Variants in CCDC146 observed in about 807,000 individuals in gnomAD.
The protein encoded by CCDC146 is coiled-coil domain-containing protein 146.
CCDC146 carries 92 observed loss-of-function variants against 119.3 expected under a neutral mutation model. That is an observed-to-expected ratio of 0.77 (90% CI 0.65 to 0.92). CCDC146 has a LOEUF of 0.92. Among genes scored for constraint, CCDC146 ranks in the 40% least tolerant of loss-of-function variants. CCDC146 has a pLI of 0.00. For synonymous variants in CCDC146, 372 were observed against 371.8 expected (o/e 1.00, Z -0.01); for missense variants, 1,000 against 1,103.0 (o/e 0.91, Z 1.32).
At chr7:77,253,425 G>T (rs554145769) in intron 4 of CCDC146, among the ~76,000 whole-genome samples, 80 of 152,274 alleles carry the variant, frequency 5.3e-4, no homozygotes, top group African/African-American at 1.9e-3. Context: ...TTCTGTGAGG[G>T]TTTTCTGCAA....
intron 4 of CCDC146, among the ~76,000 whole-genome samples, chr7:77,251,679 C>G (rs2150502439): frequency 6.6e-6 from 1 of 152,158 alleles, no homozygotes; most frequent in East Asian, 1.9e-4. Flanking sequence ...GTAATGGGAG[C>G]CCACAGGAGC....
chr7:77,274,659 G>C lies in CCDC146; in HGVS notation c.1440+7G>C. 1 of 1,600,860 alleles carries C rather than the reference G, an allele frequency of 6.2e-7. No individual in the cohort carries two copies. Among genetic ancestry groups the C allele is most frequent in the African/African-American group, 1.4e-5 (1 of 74,018 alleles). ...GGATTTCCTGAAAGCTCAGGTAACT[G>C]CATTTTTTTAACCATTCATTGATAA... On this transcript the variant is annotated splice_region_variant and intron_variant, in intron 11 of 18. Transcript: ENST00000285871.
intron 2 of CCDC146, among the ~76,000 whole-genome samples, chr7:77,192,029 C>A (rs905727695): frequency 3.3e-5 from 5 of 151,612 alleles, no homozygotes; most frequent in African/African-American, 9.7e-5. Context: ...CAGGTTCAAG[C>A]AATTCTCCTG....
chr7:77,191,315 T>A (rs1791758231), intron 2 of CCDC146, among the ~76,000 whole-genome samples: 1 of 152,198 alleles, frequency 6.6e-6, no homozygotes, highest in Non-Finnish European at 1.5e-5. Context: ...CTGTAATTGC[T>A]TCTCACCTAT....
chr7:77,221,598 T>G (rs1792404463), intron 2 of CCDC146, among the ~76,000 whole-genome samples: 1 of 152,176 alleles, frequency 6.6e-6, no homozygotes, highest in African/African-American at 2.4e-5. Flanking sequence ...CCATAGAGTC[T>G]TCAGGCATGT....
At chr7:77,134,049 C>A (rs551678807) in intron 1 of CCDC146, among the ~76,000 whole-genome samples, 3 of 152,240 alleles carry the variant, frequency 2.0e-5, no homozygotes, top group African/African-American at 7.2e-5. Context: ...CCTCTGCATA[C>A]CCTGCATAAG....
intron 2 of CCDC146, among the ~76,000 whole-genome samples, chr7:77,229,892 A>G (rs535868164): frequency 6.6e-6 from 1 of 152,326 alleles, no homozygotes; most frequent in Admixed American, 6.5e-5. Flanking sequence ...TCATGGCATA[A>G]TTGTAGAATA....
intron 1 of CCDC146, among the ~76,000 whole-genome samples, chr7:77,158,677 GC>G (rs770558679): frequency 4.6e-5 from 7 of 151,898 alleles, no homozygotes; most frequent in African/African-American, 1.5e-4. Context: ...CCACCACCAT[GC>G]CCGGCTAATT....
intron 2 of CCDC146, among the ~76,000 whole-genome samples, chr7:77,189,817 G>T (rs1791732088): frequency 6.6e-6 from 1 of 152,092 alleles, no homozygotes; most frequent in Non-Finnish European, 1.5e-5. Context: ...CATCTGCCTG[G>T]TTTGAGCTCT....
At chr7:77,225,012 G>A (rs1792477700) in intron 2 of CCDC146, among the ~76,000 whole-genome samples, 2 of 152,276 alleles carry the variant, frequency 1.3e-5, no homozygotes, top group South Asian at 2.1e-4. Context: ...TAATTAAATG[G>A]GAGCACTATG....
In CCDC146 at chr7:77,146,904, C is replaced by T. The variant is rs184872396; in HGVS notation, c.-11-20754C>T. Among the ~76,000 whole-genome samples, 101 of 152,220 alleles carry T rather than the reference C, an allele frequency of 6.6e-4. 1 individual carries two copies. Among genetic ancestry groups the T allele is most frequent in the Non-Finnish European group, 1.2e-4 (8 of 68,024 alleles). On this transcript the variant is annotated intron_variant, in intron 1 of 18. Coordinates refer to ENST00000285871, the MANE Select transcript of CCDC146 (RefSeq NM_020879.3). ...TTATGTATCTTGGAGTTGCTCCTCT[C>T]GAGGAGTATCTTTGTGGCATTCTCT...
chr7:77,173,318 T>A (rs1382863525), intron 2 of CCDC146, among the ~76,000 whole-genome samples: 1 of 152,126 alleles, frequency 6.6e-6, no homozygotes, highest in Non-Finnish European at 1.5e-5. Context: ...AATTCACTCC[T>A]TGGAATGAAT....
rs760592292 is a variant in CCDC146 at position 77,293,176 on chromosome 7, C to T, written c.2640C>T (p.Ala880=). The change falls in exon 18 of 19, where the codon GCC becomes GCT. Residue 880 remains alanine (A), a synonymous_variant. Coordinates refer to ENST00000285871, the MANE Select transcript of CCDC146 (RefSeq NM_020879.3). ...LKVLRDEEMH[A]LAIAEKSQEF... Reference sequence around the variant, plus strand: ...TCCTTCGAGATGAAGAAATGCACGCCTTGGCCATCGCTGAAAAGTCTCAGG... The same window carrying T: ...TCCTTCGAGATGAAGAAATGCACGCTTTGGCCATCGCTGAAAAGTCTCAGG... 9.3e-6 allele frequency: 15 copies of T among 1,613,880 alleles called. No homozygotes were observed. Among genetic ancestry groups the T allele is most frequent in the Non-Finnish European group, 9.3e-6 (11 of 1,180,030 alleles).
At position 77,196,641 on chromosome 7, in the gene CCDC146, A is replaced by C; in HGVS notation, c.156+28817A>C. 1 of 1,614,156 alleles carries C rather than the reference A, an allele frequency of 6.2e-7. No homozygotes were observed. Among genetic ancestry groups the C allele is most frequent in the Non-Finnish European group, 8.5e-7 (1 of 1,179,958 alleles). On this transcript the variant is annotated intron_variant, in intron 2 of 18. Coordinates refer to ENST00000285871, the MANE Select transcript of CCDC146 (RefSeq NM_020879.3). This position sits in a 1 kb window ranked among gnomAD's most constrained non-coding sequence, Gnocchi z 4.2. ...TATTTGAGAAACTCATTAGCCACATAAAACTGATCATACAAGGCATATAGT... is the reference window on the plus strand; with the variant it reads ...TATTTGAGAAACTCATTAGCCACATCAAACTGATCATACAAGGCATATAGT...
chr7:77,271,250 G>A (rs1300821278), intron 9 of CCDC146, among the ~76,000 whole-genome samples: 4 of 151,400 alleles, frequency 2.6e-5, no homozygotes, highest in South Asian at 2.1e-4. Context: ...ATCAGCTGCC[G>A]GTGTGGCTAG....
At chr7:77,252,098 G>A (rs191727917) in intron 4 of CCDC146, among the ~76,000 whole-genome samples, 5 of 152,264 alleles carry the variant, frequency 3.3e-5, no homozygotes, top group African/African-American at 2.4e-5. Context: ...GCAGTGAGCC[G>A]AGATCATGCC....
intron 2 of CCDC146, among the ~76,000 whole-genome samples, chr7:77,208,209 A>C (rs574999305): frequency 1.4e-4 from 21 of 152,378 alleles, no homozygotes; most frequent in East Asian, 3.9e-4. Flanking sequence ...TTTTAGAGTC[A>C]TTAATTCCAA....
At chr7:77,286,760 G>C (rs781189934) in intron 15 of CCDC146, 38 bp from the exon 16 acceptor site, 23 of 1,606,100 alleles carry the variant, frequency 1.4e-5, no homozygotes, top group Middle Eastern at 3.3e-4. Flanking sequence ...AACTGAGCTA[G>C]AGCGTTCATT....
chr7:77,224,074 A>G (rs1314698445), intron 2 of CCDC146, among the ~76,000 whole-genome samples: 9 of 152,234 alleles, frequency 5.9e-5, no homozygotes. Context: ...ACATGTAAAA[A>G]CATGGTATGG....
Sources: allele counts gnomAD v4.1 joint callset (sites outside exome capture counted in the v4.1 genomes callset), GRCh38; gene constraint gnomAD v4.1.1; non-coding constraint Gnocchi (gnomAD v3.1); transcripts MANE v1.5; gene names NCBI Gene and HGNC (gene_info 2026-07-23, HGNC 2026-07-21).